CTNND2: variants seen among roughly 807,000 people sequenced by gnomAD.
CTNND2 encodes catenin delta 2.
Under a neutral mutation model 144.4 loss-of-function variants are expected in CTNND2, and 22 were observed. The observed-to-expected ratio is 0.15, with a 90% CI of 0.11 to 0.22. The LOEUF is 0.22. Among genes scored for constraint, CTNND2 ranks in the 10% least tolerant of loss-of-function variants. The pLI is 1.00. For missense variants in CTNND2, 1,353 were observed against 1,618.8 expected, an observed-to-expected ratio of 0.84 and a Z score of 2.82; for synonymous variants, 751 against 695.6, an observed-to-expected ratio of 1.08 and a Z score of -1.25.
At chr5:11,182,411 G>C (rs1263881281) in intron 11 of CTNND2, among the ~76,000 whole-genome samples, 3 of 152,058 alleles carry the variant, frequency 2.0e-5, no homozygotes, top group Non-Finnish European at 4.4e-5. Context: ...GTGTGTGCAA[G>C]TAAAGTTAGT....
chr5:11,638,438 T>C (rs1404485255), intron 2 of CTNND2, among the ~76,000 whole-genome samples: 1 of 152,218 alleles, frequency 6.6e-6, no homozygotes, highest in African/African-American at 2.4e-5. Context: ...GATGTCTTAA[T>C]TCTCCTTATC....
chr5:11,180,893 C>T (rs2149798788), intron 11 of CTNND2, among the ~76,000 whole-genome samples: 1 of 152,358 alleles, frequency 6.6e-6, no homozygotes, highest in Middle Eastern at 3.4e-3. Flanking sequence ...CTGTCCTCTT[C>T]AGAGTTCAGA....
intron 1 of CTNND2, among the ~76,000 whole-genome samples, chr5:11,823,763 G>A (rs547796791): frequency 1.8e-4 from 28 of 152,136 alleles, no homozygotes; most frequent in African/African-American, 6.5e-4. Context: ...AAGTTTTGAG[G>A]AAATATGAAT....
intron 12 of CTNND2, 104 bp from the exon 13 acceptor site, chr5:11,117,671 C>G: frequency 2.3e-6 from 2 of 865,248 alleles, no homozygotes; most frequent in Non-Finnish European, 3.8e-6. Flanking sequence ...GCATTTTTCC[C>G]CACTTTTTCA....
chr5:11,802,731 G>A (rs1017039273), intron 1 of CTNND2, among the ~76,000 whole-genome samples: 32 of 152,078 alleles, frequency 2.1e-4, no homozygotes, highest in South Asian at 4.1e-4. Flanking sequence ...CTAATTTACT[G>A]AACAATTTCC....
chr5:11,548,240 G>A (rs958216096), intron 3 of CTNND2, among the ~76,000 whole-genome samples: 1 of 152,118 alleles, frequency 6.6e-6, no homozygotes, highest in Non-Finnish European at 1.5e-5. Context: ...AACTTCAAGG[G>A]TACAAATAAA....
At chr5:11,686,448 A>G (rs2126638744) in intron 2 of CTNND2, among the ~76,000 whole-genome samples, 1 of 152,260 alleles carries the variant, frequency 6.6e-6, no homozygotes, top group East Asian at 1.9e-4. Flanking sequence ...TTTAGGGAAG[A>G]CATGTGCTAT....
At chr5:11,259,238 A>G (rs370927056) in intron 9 of CTNND2, among the ~76,000 whole-genome samples, 2 of 152,160 alleles carry the variant, frequency 1.3e-5, no homozygotes, top group African/African-American at 4.8e-5. Flanking sequence ...GCATGAGCCA[A>G]TTCTTTAAAA....
intron 3 of CTNND2, among the ~76,000 whole-genome samples, chr5:11,540,026 T>A (rs1031665639): frequency 6.6e-6 from 1 of 152,062 alleles, no homozygotes; most frequent in African/African-American, 2.4e-5. Context: ...AGAACAAGAC[T>A]CGGCCTCAAA....
intron 7 of CTNND2, among the ~76,000 whole-genome samples, chr5:11,381,753 G>C (rs759286848): frequency 3.3e-5 from 5 of 152,078 alleles, no homozygotes; most frequent in Non-Finnish European, 5.9e-5. Flanking sequence ...AGATCACGAG[G>C]TCAGGAGATC....
At chr5:11,708,788 TG>T (rs1329303036) in intron 2 of CTNND2, among the ~76,000 whole-genome samples, 1 of 152,096 alleles carries the variant, frequency 6.6e-6, no homozygotes, top group Non-Finnish European at 1.5e-5. Flanking sequence ...AGATACAGAA[TG>T]TTTCATCACC....
chr5:11,592,937 G>A (rs1779326156), intron 2 of CTNND2, among the ~76,000 whole-genome samples: 1 of 151,676 alleles, frequency 6.6e-6, no homozygotes, highest in Non-Finnish European at 1.5e-5. Context: ...GAGCAGAAGA[G>A]AATCCAGACA....
chr5:11,084,927 T>C (rs920295828), intron 15 of CTNND2, among the ~76,000 whole-genome samples: 2 of 152,130 alleles, frequency 1.3e-5, no homozygotes, highest in African/African-American at 4.8e-5. Context: ...TACCATCATC[T>C]CATCCCCTCT....
chr5:11,839,751 A>G (rs1010012808), intron 1 of CTNND2, among the ~76,000 whole-genome samples: 23 of 151,880 alleles, frequency 1.5e-4, no homozygotes, highest in Admixed American at 4.6e-4. Flanking sequence ...GAGTGTCTCC[A>G]GAAAGAGAGA....
At chr5:11,051,838 G>A (rs137886005) in intron 16 of CTNND2, among the ~76,000 whole-genome samples, 119 of 152,238 alleles carry the variant, frequency 7.8e-4, no homozygotes, top group African/African-American at 2.8e-3. Flanking sequence ...GTGTCCCAAA[G>A]CAACTGAGAA....
chr5:11,300,115 C>T (rs1342266284), intron 9 of CTNND2, among the ~76,000 whole-genome samples: 2 of 152,144 alleles, frequency 1.3e-5, no homozygotes, highest in Non-Finnish European at 2.9e-5. Flanking sequence ...TTCTAAGTTG[C>T]CCACATCCAT....
At chr5:11,535,895 TA>T (rs1449262990) in intron 3 of CTNND2, among the ~76,000 whole-genome samples, 1 of 152,152 alleles carries the variant, frequency 6.6e-6, no homozygotes, top group Non-Finnish European at 1.5e-5. Context: ...TTTCCAACTA[TA>T]AAAAAGGGTC....
intron 11 of CTNND2, among the ~76,000 whole-genome samples, chr5:11,174,824 T>G (rs1430999513): frequency 6.6e-6 from 1 of 152,188 alleles, no homozygotes; most frequent in African/African-American, 2.4e-5. Context: ...ATGATTGGAA[T>G]GTAAAGTGTA....
At chr5:11,498,425 T>C (rs930519193) in intron 3 of CTNND2, among the ~76,000 whole-genome samples, 6 of 152,182 alleles carry the variant, frequency 3.9e-5, no homozygotes, top group South Asian at 2.1e-4. Context: ...GACCTTTTAA[T>C]TGAATGAAAA....
Sources: allele counts gnomAD v4.1 joint callset (sites outside exome capture counted in the v4.1 genomes callset), GRCh38; gene constraint gnomAD v4.1.1; transcripts MANE v1.5; gene names NCBI Gene and HGNC (gene_info 2026-07-23, HGNC 2026-07-21).